CLHC1: variants seen among roughly 807,000 people sequenced by gnomAD.
The protein encoded by CLHC1 is clathrin heavy chain linker domain-containing protein 1.
Under a neutral mutation model 69.5 loss-of-function variants are expected in CLHC1, and 72 were observed. That is an observed-to-expected ratio of 1.04 (90% confidence interval 0.86 to 1.26). The LOEUF (loss-of-function observed/expected upper bound fraction) is 1.26. Ranked by LOEUF, CLHC1 falls within the 50% of genes most tolerant of loss-of-function variation. The pLI is 0.00. For synonymous variants in CLHC1, 223 were observed against 224.3 expected (o/e 0.99, Z 0.05); for missense variants, 790 against 679.3 (o/e 1.16, Z -1.81).
At chr2:55,216,347 G>GTT (rs1450592498) in intron 4 of CLHC1, among the ~76,000 whole-genome samples, 4 of 151,560 alleles carry the variant, frequency 2.6e-5, no homozygotes, top group Admixed American at 6.6e-5. Context: ...GTGACCAAAT[G>GTT]TAACACTGAA....
chr2:55,181,286 G>A (rs113696302), intron 10 of CLHC1, among the ~76,000 whole-genome samples: 16 of 151,988 alleles, frequency 1.1e-4, no homozygotes, highest in African/African-American at 2.7e-4. Context: ...TGGCCACCAC[G>A]TCTGGCTAAT....
chr2:55,181,381 T>G (rs1251848928), intron 10 of CLHC1, among the ~76,000 whole-genome samples, 189 bp downstream of exon 10: 1 of 152,138 alleles, frequency 6.6e-6, no homozygotes, highest in Non-Finnish European at 1.5e-5. Context: ...CTCCCACCTC[T>G]ACCTCCCAAA....
At chr2:55,208,587 A>T (rs757091443) in intron 8 of CLHC1, 39 bp downstream of exon 8, 48 of 1,294,876 alleles carry the variant, frequency 3.7e-5, no homozygotes, top group Non-Finnish European at 4.5e-6. Flanking sequence ...TCTATGAAAA[A>T]ATATAATTCT....
At chr2:55,228,467 T>C (rs1178843049) in intron 1 of CLHC1, among the ~76,000 whole-genome samples, 1 of 152,198 alleles carries the variant, frequency 6.6e-6, no homozygotes, top group African/African-American at 2.4e-5. Flanking sequence ...CAACCAAGAT[T>C]ACCATTCATT....
intron 4 of CLHC1, among the ~76,000 whole-genome samples, chr2:55,215,763 A>C (rs1222218866): frequency 6.6e-6 from 1 of 152,174 alleles, no homozygotes; most frequent in Admixed American, 6.5e-5. Flanking sequence ...CTTTTAAAAA[A>C]ATGTTCTCGG....
rs555647615 is a variant in CLHC1 at position 55,196,153 on chromosome 2, G to T, written c.1006+10117C>A. On this transcript the variant is annotated intron_variant, in intron 9 of 12. Coordinates refer to ENST00000401408, the MANE Select transcript of CLHC1 (RefSeq NM_152385.4). ...GAAGCACTTAGACCAGCCCTAGCCAGAAGAGAATCATCTATCCCAGCAGGT... is the reference window on the plus strand; with the variant it reads ...GAAGCACTTAGACCAGCCCTAGCCATAAGAGAATCATCTATCCCAGCAGGT... Among the ~76,000 whole-genome samples, 21 of 152,334 alleles carry T rather than the reference G, an allele frequency of 1.4e-4. No individual in the cohort carries two copies. The South Asian group carries it at 4.3e-3, about 32-fold the overall frequency.
At chr2:55,178,772 C>T (rs902657189) in intron 11 of CLHC1, among the ~76,000 whole-genome samples, 2 of 152,072 alleles carry the variant, frequency 1.3e-5, no homozygotes, top group African/African-American at 4.8e-5. Flanking sequence ...CTACCCGAAA[C>T]ATAATTTGAA....
intron 3 of CLHC1, among the ~76,000 whole-genome samples, chr2:55,220,992 C>T (rs761792276): frequency 2.6e-5 from 4 of 152,160 alleles, no homozygotes; most frequent in Non-Finnish European, 4.4e-5. Context: ...CTATTTTATA[C>T]TCCTATGAAT....
chr2:55,210,286 T>C (rs1483738373), intron 5 of CLHC1, among the ~76,000 whole-genome samples: 1 of 152,106 alleles, frequency 6.6e-6, no homozygotes, highest in Non-Finnish European at 1.5e-5. Flanking sequence ...AACCTCTGCC[T>C]CCCAGGTTCA....
At chr2:55,195,075 C>A (rs1194001206) in intron 9 of CLHC1, among the ~76,000 whole-genome samples, 3 of 152,092 alleles carry the variant, frequency 2.0e-5, no homozygotes, top group Non-Finnish European at 4.4e-5. Flanking sequence ...TGCCACCATG[C>A]CTAGCTATGC....
intron 1 of CLHC1, among the ~76,000 whole-genome samples, chr2:55,231,055 G>T (rs1414331942): frequency 1.3e-5 from 2 of 152,110 alleles, no homozygotes; most frequent in Non-Finnish European, 2.9e-5. Flanking sequence ...CTAGAGAACA[G>T]CCTGGCCAAC....
intron 9 of CLHC1, among the ~76,000 whole-genome samples, chr2:55,198,305 G>T (rs918944659): frequency 6.6e-6 from 1 of 152,204 alleles, no homozygotes; most frequent in Non-Finnish European, 1.5e-5. Flanking sequence ...ATAATACCTG[G>T]CTGGGTGTGG....
chr2:55,193,937 G>C (rs1671162279), intron 9 of CLHC1, among the ~76,000 whole-genome samples: 1 of 152,152 alleles, frequency 6.6e-6, no homozygotes, highest in Non-Finnish European at 1.5e-5. Flanking sequence ...ATACTATTTA[G>C]CCATATAAAG....
At position 55,208,633 on chromosome 2, in the gene CLHC1, T is replaced by G. The variant is rs933572219; in HGVS notation, c.892A>C (p.Ile298Leu). 6.3e-7 allele frequency: 1 copy of G among 1,598,334 alleles called. No individual in the cohort carries two copies. The highest frequency in any genetic ancestry group is 8.6e-7 in the Non-Finnish European group (1 of 1,166,456). ...AKEAEIMLHYIERFNELISLG... is the reference protein window; with the variant it reads ...AKEAEIMLHYLERFNELISLG... ...AGCTTTTAAAATATTTGCCTTTCAATGTAGTGAAGCATAATTTCAGCTTCT... is the reference window on the plus strand; with the variant it reads ...AGCTTTTAAAATATTTGCCTTTCAAGGTAGTGAAGCATAATTTCAGCTTCT... The change falls in exon 8 of 13, where the codon ATT becomes CTT. Residue 298 changes from isoleucine to leucine, a missense_variant. Physicochemically the swap from Ile to Leu is conservative, Grantham distance 5 (BLOSUM62 2). Transcript: ENST00000401408.
chr2:55,180,596 T>G lies in CLHC1; in HGVS notation c.1298A>C (p.His433Pro). The G allele has an allele frequency of 1.2e-6, 2 of 1,614,104 alleles. No homozygotes were observed. Among genetic ancestry groups the G allele is most frequent in the East Asian group, 2.2e-5 (1 of 44,876 alleles). Residue 433 changes from histidine (H) to proline (P), a missense_variant, in exon 11 of 13, where the codon CAC (histidine) becomes CCC (proline). His to Pro is a moderately conservative substitution (Grantham distance 77). Transcript: ENST00000401408. Reference sequence around the variant, plus strand: ...ACACAAGCAAAGAATAGCTTTCTTGTGCAGGCCACATTCACTGTAGACAAT... The same window carrying G: ...ACACAAGCAAAGAATAGCTTTCTTGGGCAGGCCACATTCACTGTAGACAAT... The part of the protein sequence containing the change: ...AQIVYSECGL[H>P]KKAILCLCKQ...
intron 8 of CLHC1, among the ~76,000 whole-genome samples, 188 bp downstream of exon 8, chr2:55,208,438 A>T (rs902635750): frequency 1.3e-5 from 2 of 152,144 alleles, no homozygotes; most frequent in African/African-American, 4.8e-5. Flanking sequence ...AATTTTTCGG[A>T]TTTTGGAGCA....
At chr2:55,196,500 G>C (rs1304913203) in intron 9 of CLHC1, among the ~76,000 whole-genome samples, 1 of 152,164 alleles carries the variant, frequency 6.6e-6, no homozygotes, top group East Asian at 1.9e-4. Context: ...TACCAGCTCA[G>C]CCATAATAGC....
chr2:55,174,480 G>A lies in CLHC1; in HGVS notation c.*1310C>T, dbSNP rs1669209281. Among the ~76,000 whole-genome samples, 1 of 152,122 alleles carries A rather than the reference G, an allele frequency of 6.6e-6. No individual in the cohort carries two copies. Among genetic ancestry groups the A allele is most frequent in the Admixed American group, 6.5e-5 (1 of 15,280 alleles). On this transcript the variant is annotated 3_prime_UTR_variant, in exon 13 of 13. Transcript: ENST00000401408. ...CTAAGTAGAGAAATGTGTGTTTCTG[G>A]GGCCGATTACAAAGGAATTACAGCT...
At chr2:55,205,400 T>TAC (rs35508061) in intron 9 of CLHC1, among the ~76,000 whole-genome samples, 93,530 of 147,638 alleles carry the variant, frequency 0.63, 29,544 homozygotes, top group East Asian at 0.83. Context: ...ATAAAGAAAA[T>TAC]ACACACACAC....
Sources: allele counts gnomAD v4.1 joint callset (sites outside exome capture counted in the v4.1 genomes callset), GRCh38; gene constraint gnomAD v4.1.1; transcripts MANE v1.5; gene names NCBI Gene and HGNC (gene_info 2026-07-23, HGNC 2026-07-21).